CCDC144A: variants seen among roughly 807,000 people sequenced by gnomAD.
CCDC144A encodes the protein coiled-coil domain containing 144A.
A neutral mutation model predicts 143.8 loss-of-function variants in CCDC144A; 41 were observed. That is an observed-to-expected ratio of 0.29 (90% CI 0.22 to 0.37). CCDC144A has a LOEUF of 0.37. Among genes scored for constraint, CCDC144A ranks in the 10% least tolerant of loss-of-function variants. The probability of loss-of-function intolerance (pLI) is 1.00; values close to 1 mark genes in which losing one functional copy is unlikely to be tolerated. For missense variants in CCDC144A, 637 were observed against 1,488.8 expected (o/e 0.43, Z 9.41); for synonymous variants, 242 against 517.9 (o/e 0.47, Z 7.23).
At chr17:16,712,319 T>C (rs954872591) in intron 6 of CCDC144A, among the ~76,000 whole-genome samples, 33 of 152,120 alleles carry the variant, frequency 2.2e-4, no homozygotes, top group Non-Finnish European at 3.5e-4. Flanking sequence ...ATATTGATAT[T>C]TTATTTAAAA....
At chr17:16,720,323 G>A (rs1263016335) in intron 7 of CCDC144A, 92 bp downstream of exon 7, 21 of 1,494,966 alleles carry the variant, frequency 1.4e-5, no homozygotes, top group Non-Finnish European at 1.5e-5. Context: ...TTTGTTGTAA[G>A]GCTGTTTGCT....
intron 6 of CCDC144A, among the ~76,000 whole-genome samples, chr17:16,713,417 G>C (rs1455908123): frequency 6.6e-6 from 1 of 151,944 alleles, no homozygotes; most frequent in Admixed American, 6.6e-5. Flanking sequence ...TTCAACAGTA[G>C]CTTCATATAA....
intron 6 of CCDC144A, among the ~76,000 whole-genome samples, chr17:16,719,125 T>C (rs2143173411): frequency 6.6e-6 from 1 of 151,486 alleles, no homozygotes; most frequent in East Asian, 1.9e-4. Flanking sequence ...CCACTGCACC[T>C]GGCCTATAAA....
At chr17:16,691,340 G>C (rs1911058441) in intron 1 of CCDC144A, among the ~76,000 whole-genome samples, 1 of 152,128 alleles carries the variant, frequency 6.6e-6, no homozygotes, top group Non-Finnish European at 1.5e-5. Context: ...TTAGATCGTG[G>C]AATGTCCCAT....
intron 2 of CCDC144A, among the ~76,000 whole-genome samples, chr17:16,704,822 A>G (rs77086284): frequency 2.0e-5 from 3 of 152,232 alleles, no homozygotes; most frequent in Non-Finnish European, 4.4e-5. Flanking sequence ...AGCTTAAAAT[A>G]GTTAGACATA....
intron 12 of CCDC144A, among the ~76,000 whole-genome samples, chr17:16,746,993 C>G (rs1445832236): frequency 1.4e-5 from 2 of 147,602 alleles, no homozygotes; most frequent in Non-Finnish European, 3.0e-5. Flanking sequence ...AGGCTGATTT[C>G]TAATAGTGTA....
intron 12 of CCDC144A, among the ~76,000 whole-genome samples, chr17:16,755,660 A>G (rs959456212): frequency 9.2e-5 from 14 of 152,202 alleles, no homozygotes; most frequent in Non-Finnish European, 1.9e-4. Context: ...CCCAGGTTCA[A>G]GCAATTCTTG....
chr17:16,758,093 A>G (rs2143352171), intron 12 of CCDC144A, among the ~76,000 whole-genome samples: 1 of 152,352 alleles, frequency 6.6e-6, no homozygotes, highest in Non-Finnish European at 1.5e-5. Context: ...CCAGTCAGCC[A>G]TCTCGATGAT....
chr17:16,745,033 A>AGG (rs1914432371), intron 12 of CCDC144A, among the ~76,000 whole-genome samples: 1 of 152,074 alleles, frequency 6.6e-6, no homozygotes, highest in African/African-American at 2.4e-5. Context: ...AACCATTTTT[A>AGG]TCTGGTCAGT....
chr17:16,743,326 C>A (rs1914343565), intron 12 of CCDC144A, among the ~76,000 whole-genome samples: 1 of 151,660 alleles, frequency 6.6e-6, no homozygotes, highest in Non-Finnish European at 1.5e-5. Context: ...TTTTCCCAGC[C>A]CCATTTGTTG....
At chr17:16,712,175 C>G (rs1410828970) in intron 6 of CCDC144A, 1 of 222,106 alleles carries the variant, frequency 4.5e-6, no homozygotes, top group Non-Finnish European at 9.2e-6. Context: ...AAACAGGAGA[C>G]ATGTGCTATG....
chr17:16,697,269 T>G (rs1245389450), intron 2 of CCDC144A, among the ~76,000 whole-genome samples: 2 of 152,140 alleles, frequency 1.3e-5, no homozygotes, highest in African/African-American at 2.4e-5. Flanking sequence ...AAGCATTTTC[T>G]GTACAGGGCT....
At chr17:16,773,375 G>C in intron 16 of CCDC144A, 122 bp from the exon 17 acceptor site, 2 of 1,325,070 alleles carry the variant, frequency 1.5e-6, no homozygotes, top group South Asian at 1.8e-5. Flanking sequence ...TTAAGCCTGG[G>C]AGGACAAGAC....
chr17:16,752,378 T>G (rs987158613), intron 12 of CCDC144A, among the ~76,000 whole-genome samples: 14 of 152,008 alleles, frequency 9.2e-5, no homozygotes, highest in African/African-American at 3.4e-4. Context: ...GCCAGAAAGG[T>G]TGGGGACTGC....
At chr17:16,692,949 T>A in intron 1 of CCDC144A, 30 bp from the exon 2 acceptor site, 3 of 1,400,510 alleles carry the variant, frequency 2.1e-6, no homozygotes, top group Non-Finnish European at 2.9e-6. Context: ...TTTAAAATAG[T>A]AATTTCATTT....
Position 16,768,787 on chromosome 17 carries a change from T to A in CCDC144A, c.4099-3190T>A, listed in dbSNP as rs183673130. ...TGCCTTTGGTACTGATTTCACTATA[T>A]TTCTTTAAAAAAATTTTCTAACTAC... is the stretch of plus-strand genomic sequence containing the variant. On this transcript the variant is annotated intron_variant, in intron 15 of 16. Transcript: ENST00000399273. Among the ~76,000 whole-genome samples the A allele has an allele frequency of 1.8e-4, 27 of 151,738 alleles. No homozygotes were observed. In the East Asian group the frequency reaches 5.0e-3, roughly 28 times the overall value.
At chr17:16,756,169 C>T (rs1162694932) in intron 12 of CCDC144A, among the ~76,000 whole-genome samples, 4 of 152,212 alleles carry the variant, frequency 2.6e-5, no homozygotes, top group Non-Finnish European at 5.9e-5. Context: ...GGTAGTTTTT[C>T]AGCTATTATT....
chr17:16,757,725 G>A (rs1274536927), intron 12 of CCDC144A, among the ~76,000 whole-genome samples: 2 of 152,382 alleles, frequency 1.3e-5, no homozygotes, highest in East Asian at 3.9e-4. Context: ...CACTGCCCCT[G>A]AAGGGGATAG....
chr17:16,704,795 G>C (rs1345232836), intron 2 of CCDC144A, among the ~76,000 whole-genome samples: 3 of 152,038 alleles, frequency 2.0e-5, no homozygotes, highest in Non-Finnish European at 4.4e-5. Context: ...TACATACAAT[G>C]CTGTCATGTA....
Sources: gnomAD v4.1 joint callset for allele counts (sites outside exome capture counted in the v4.1 genomes callset) on GRCh38, gnomAD v4.1.1 for gene constraint, MANE v1.5 for transcripts, NCBI Gene and HGNC (gene_info 2026-07-23, HGNC 2026-07-21) for gene names.